The following GABRG2 variants were observed in gnomAD, a reference collection of about 807,000 sequenced individuals.
The protein encoded by GABRG2 is gamma-aminobutyric acid type A receptor subunit gamma2, also known as gamma-aminobutyric acid receptor subunit gamma-2.
GABRG2 carries 16 observed loss-of-function variants against 56.4 expected under a neutral mutation model. The observed-to-expected ratio is 0.28, with a 90% CI of 0.19 to 0.43. GABRG2 has a LOEUF of 0.43. GABRG2 is among the 20% of genes least tolerant of loss of function. The probability of loss-of-function intolerance (pLI) is 1.00; values close to 1 mark genes in which losing one functional copy is unlikely to be tolerated. For missense variants in GABRG2, 327 were observed against 582.7 expected (o/e 0.56, Z 4.52); for synonymous variants, 208 against 205.5 (o/e 1.01, Z -0.10).
intron 1 of GABRG2, among the ~76,000 whole-genome samples, chr5:162,079,021 A>G (rs1022521420): frequency 1.3e-5 from 2 of 150,460 alleles, no homozygotes; most frequent in African/African-American, 4.9e-5. Flanking sequence ...AATATTATAT[A>G]ATTAATAATT....
intron 5 of GABRG2, 22 bp downstream of exon 5, chr5:162,101,339 T>C (rs761672853): frequency 6.9e-7 from 1 of 1,454,634 alleles, no homozygotes; most frequent in Non-Finnish European, 9.7e-7. Flanking sequence ...TCCTTCTCCA[T>C]TTGTATCCTC....
chr5:162,144,736 G>T (rs1042768813), intron 7 of GABRG2, among the ~76,000 whole-genome samples: 1 of 152,164 alleles, frequency 6.6e-6, no homozygotes, highest in Admixed American at 6.5e-5. Flanking sequence ...GTTTGCTCTG[G>T]GTAGGAGGCC....
At chr5:162,121,472 A>T (rs896882183) in intron 6 of GABRG2, among the ~76,000 whole-genome samples, 3 of 152,066 alleles carry the variant, frequency 2.0e-5, no homozygotes, top group African/African-American at 4.8e-5. Context: ...TATTTTTTTT[A>T]AATGGTGGAC....
intron 6 of GABRG2, among the ~76,000 whole-genome samples, chr5:162,127,675 GTA>G (rs981140209): frequency 6.6e-6 from 1 of 151,874 alleles, no homozygotes; most frequent in Non-Finnish European, 1.5e-5. Flanking sequence ...TGAATTCACC[GTA>G]TTTTGTCTTC....
At chr5:162,116,627 A>G (rs1762643851) in intron 6 of GABRG2, among the ~76,000 whole-genome samples, 1 of 151,910 alleles carries the variant, frequency 6.6e-6, no homozygotes, top group African/African-American at 2.4e-5. Flanking sequence ...ATAGGGATGG[A>G]CTTTGTAGGC....
chr5:162,140,998 C>A (rs993365094), intron 6 of GABRG2, among the ~76,000 whole-genome samples: 1 of 152,050 alleles, frequency 6.6e-6, no homozygotes, highest in South Asian at 2.1e-4. Context: ...TTAATATATT[C>A]TCTGGATTAT....
chr5:162,084,357 TGAA>T (rs1759891693), intron 1 of GABRG2, among the ~76,000 whole-genome samples: 1 of 151,918 alleles, frequency 6.6e-6, no homozygotes, highest in Non-Finnish European at 1.5e-5. Context: ...GATGCTATTT[TGAA>T]TTTTCAGTTT....
intron 6 of GABRG2, among the ~76,000 whole-genome samples, chr5:162,137,355 C>A (rs1764211678): frequency 6.6e-6 from 1 of 152,048 alleles, no homozygotes; most frequent in Admixed American, 6.6e-5. Flanking sequence ...ATTGTGTATC[C>A]CCACCAACAG....
chr5:162,080,180 C>G (rs1759538163), intron 1 of GABRG2, among the ~76,000 whole-genome samples: 1 of 152,130 alleles, frequency 6.6e-6, no homozygotes, highest in South Asian at 2.1e-4. Context: ...GGAAATAGAT[C>G]TTGATGTCTG....
At chr5:162,070,148 T>C (rs1758555842) in intron 1 of GABRG2, among the ~76,000 whole-genome samples, 1 of 152,200 alleles carries the variant, frequency 6.6e-6, no homozygotes, top group Non-Finnish European at 1.5e-5. Flanking sequence ...GTAAATTTGA[T>C]GATACATTTT....
chr5:162,139,088 T>G (rs1333503919), intron 6 of GABRG2, among the ~76,000 whole-genome samples: 1 of 152,000 alleles, frequency 6.6e-6, no homozygotes, highest in Admixed American at 6.6e-5. Context: ...AGATAAACAT[T>G]AATGGATGTT....
chr5:162,098,754 C>G (rs1055486826), intron 4 of GABRG2: 2 of 152,094 alleles, frequency 1.3e-5, no homozygotes, highest in Non-Finnish European at 2.9e-5. Context: ...GATGTTTTTA[C>G]ATGGTTATGT....
chr5:162,078,038 G>A (rs1482179506), intron 1 of GABRG2, among the ~76,000 whole-genome samples: 1 of 152,018 alleles, frequency 6.6e-6, no homozygotes. Flanking sequence ...TGCTGTTGGT[G>A]ATACAGACCT....
chr5:162,146,350 G>C (rs1349349966), intron 7 of GABRG2, among the ~76,000 whole-genome samples: 1 of 151,948 alleles, frequency 6.6e-6, no homozygotes, highest in Admixed American at 6.5e-5. Flanking sequence ...AATGCTCACT[G>C]TTTGTCACCT....
rs1761616628 is a variant in GABRG2 at position 162,103,909 on chromosome 5, A to G, written c.652A>G (p.Ile218Val). 1 of 1,613,978 alleles carries G rather than the reference A, an allele frequency of 6.2e-7. No homozygotes were observed. The highest frequency in any genetic ancestry group is 1.1e-5 in the South Asian group (1 of 91,080). ...GGCAGATGGCTATCCACGTGAAGAA[A>G]TTGTTTATCAATGGAAGCGAAGTTC... ...FSSYGYPREE[I>V]VYQWKRSSVE... The change falls in exon 6 of 10, where the codon ATT (isoleucine) becomes GTT (valine). Residue 218 changes from isoleucine to valine, a missense_variant. By Grantham distance (29) the Ile-to-Val change is conservative. Coordinates refer to ENST00000639213, the MANE Select transcript of GABRG2 (RefSeq NM_198904.4).
chr5:162,071,186 C>T (rs916153191), intron 1 of GABRG2, among the ~76,000 whole-genome samples: 21 of 151,252 alleles, frequency 1.4e-4, no homozygotes, highest in Admixed American at 1.4e-3. Flanking sequence ...ATATATACCA[C>T]ATATATATGC....
In GABRG2 at chr5:162,096,036, A is replaced by G. The variant is rs544936576; in HGVS notation, c.327+474A>G. 4.6e-5 allele frequency among the ~76,000 whole-genome samples: 7 copies of G among 152,152 alleles called. No homozygotes were observed. In the East Asian group the frequency reaches 1.4e-3, roughly 29 times the overall value. On this transcript the variant is annotated intron_variant, in intron 3 of 9. Transcript: ENST00000639213. ...CAAAATATGATATAATAGAGAATGT[A>G]AAATAGAGTAGAGCAGAATGGAGTA...
At chr5:162,091,671 T>C (rs1028690729) in intron 1 of GABRG2, among the ~76,000 whole-genome samples, 4 of 152,082 alleles carry the variant, frequency 2.6e-5, no homozygotes, top group African/African-American at 9.7e-5. Flanking sequence ...TCTGAGGGAA[T>C]TGTTGGAGCA....
chr5:162,070,005 A>T (rs1469190858), intron 1 of GABRG2, among the ~76,000 whole-genome samples: 1 of 152,140 alleles, frequency 6.6e-6, no homozygotes, highest in East Asian at 1.9e-4. Context: ...ATAAAATATT[A>T]TGTATTTTCT....
Sources: allele counts gnomAD v4.1 joint callset (sites outside exome capture counted in the v4.1 genomes callset), GRCh38; gene constraint gnomAD v4.1.1; transcripts MANE v1.5; gene names NCBI Gene and HGNC (gene_info 2026-07-23, HGNC 2026-07-21).